Variants in NXN observed in about 807,000 individuals in gnomAD.
NXN encodes nucleoredoxin.
A neutral mutation model predicts 48.6 loss-of-function variants in NXN; 16 were observed. The observed-to-expected ratio is 0.33, with a 90% confidence interval of 0.22 to 0.50. The LOEUF is 0.50. NXN is among the 20% of genes least tolerant of loss of function. The pLI is 0.98. For synonymous variants in NXN, 281 were observed against 269.6 expected, an observed-to-expected ratio of 1.04 and a Z score of -0.41; for missense variants, 492 against 605.5, an observed-to-expected ratio of 0.81 and a Z score of 1.97.
At chr17:951,307 A>G (rs913016359) in intron 1 of NXN, among the ~76,000 whole-genome samples, 9 of 149,570 alleles carry the variant, frequency 6.0e-5, no homozygotes, top group African/African-American at 2.2e-4. Flanking sequence ...TTGAGATCAC[A>G]CCACTGCACT....
In NXN at chr17:956,438, A is replaced by G. The variant is rs953121251; in HGVS notation, c.360+22881T>C. Among the ~76,000 whole-genome samples the G allele has an allele frequency of 6.6e-6, 1 of 151,946 alleles. No homozygotes were observed. The highest frequency in any genetic ancestry group is 2.4e-5 in the African/African-American group (1 of 41,350). On this transcript the variant is annotated intron_variant, in intron 1 of 7. Transcript: ENST00000336868. This position sits in a 1 kb window ranked among gnomAD's most constrained non-coding sequence, Gnocchi z 4.1. Reference sequence around the variant, plus strand: ...TTTTTATTTATTTATTTTGAGACAGAGATTCTCTCTTGTCACCCAGGCTGG... The same window carrying G: ...TTTTTATTTATTTATTTTGAGACAGGGATTCTCTCTTGTCACCCAGGCTGG...
At chr17:896,998 T>C (rs2068493870) in intron 1 of NXN, 4 of 1,146,730 alleles carry the variant, frequency 3.5e-6, no homozygotes, top group Admixed American at 4.7e-5. Flanking sequence ...CCGCGGCAGA[T>C]ACACGGACTC....
At chr17:918,666 G>A (rs1421646822) in intron 1 of NXN, among the ~76,000 whole-genome samples, 5 of 151,814 alleles carry the variant, frequency 3.3e-5, no homozygotes, top group East Asian at 1.9e-4. Context: ...GGTGGTGGGC[G>A]GCTGTAATCC....
chr17:862,832 G>C (rs1025213710), intron 1 of NXN, among the ~76,000 whole-genome samples: 1 of 152,116 alleles, frequency 6.6e-6, no homozygotes, highest in Non-Finnish European at 1.5e-5. Context: ...TAATCACGAG[G>C]GAACCATTTG....
Position 876,990 on chromosome 17 carries a change from G to A in NXN, c.361-50912C>T, listed in dbSNP as rs541399879. 4.5e-3 allele frequency among the ~76,000 whole-genome samples: 682 copies of A among 151,904 alleles called. 2 individuals carry two copies. The highest frequency in any genetic ancestry group is 6.9e-3 in the Non-Finnish European group (470 of 67,928). On this transcript the variant is annotated intron_variant, in intron 1 of 7. Transcript: ENST00000336868. ...GTGAACTCGGGAGGCTGAGGCAGGA[G>A]AATCACTTAAACCCAGTAGGCAGAG...
At chr17:863,965 T>G in intron 1 of NXN, 1 of 1,533,900 alleles carries the variant, frequency 6.5e-7, no homozygotes, top group Non-Finnish European at 8.7e-7. Flanking sequence ...GGGAACTGAG[T>G]GAGGAAACAC....
rs747076520 is a variant in NXN, at chr17:823,677, G to C, written c.567C>G (p.Ser189Arg). ...CGCCCACGTGAGACCCCTCCAGGCT[G>C]CTGCTCTCCAGAGACTGCCCATTGT... is the stretch of plus-strand genomic sequence containing the variant. ...LRNNGQSLES[S>R]SLEGSHVGVY... is the part of the protein sequence containing the mutation. The change falls in exon 3 of 8, where the codon AGC (serine) becomes AGG (arginine). Residue 189 changes from serine (S) to arginine (R), a missense_variant. Transcript: ENST00000336868. The C allele has an allele frequency of 2.2e-5, 35 of 1,614,038 alleles. No individual in the cohort carries two copies. The highest frequency in any genetic ancestry group is 2.9e-5 in the Non-Finnish European group (34 of 1,180,026).
chr17:924,640 T>C lies in NXN; in HGVS notation c.360+54679A>G, dbSNP rs2068781091. Among the ~76,000 whole-genome samples the C allele has an allele frequency of 2.0e-5, 3 of 152,252 alleles. No homozygotes were observed. In the South Asian group the frequency reaches 6.2e-4, roughly 31 times the overall value. On this transcript the variant is annotated intron_variant, in intron 1 of 7. Coordinates refer to ENST00000336868, the MANE Select transcript of NXN (RefSeq NM_022463.5). ...GCAGCATTAGGTGCATCTCCTGTTCTGCTACCATCACCACCATCTGTCTCC... is the reference window on the plus strand; with the variant it reads ...GCAGCATTAGGTGCATCTCCTGTTCCGCTACCATCACCACCATCTGTCTCC...
intron 1 of NXN, among the ~76,000 whole-genome samples, chr17:850,405 C>G (rs905549764): frequency 1.3e-5 from 2 of 152,200 alleles, no homozygotes; most frequent in African/African-American, 2.4e-5. Context: ...TAAGTGGGAG[C>G]CTAAGATACA....
chr17:826,974 C>T (rs945567259), intron 1 of NXN, among the ~76,000 whole-genome samples: 4 of 152,342 alleles, frequency 2.6e-5, no homozygotes, highest in South Asian at 2.1e-4. Flanking sequence ...CTCCTGTGTT[C>T]GTTCACTGCC....
chr17:936,186 C>T (rs763157338), intron 1 of NXN, among the ~76,000 whole-genome samples: 4 of 151,980 alleles, frequency 2.6e-5, no homozygotes, highest in Non-Finnish European at 5.9e-5. Context: ...CACCAGCACG[C>T]CACTCGATTC....
chr17:839,203 G>A (rs1913998795), intron 1 of NXN, among the ~76,000 whole-genome samples: 1 of 152,186 alleles, frequency 6.6e-6, no homozygotes, highest in Admixed American at 6.5e-5. Flanking sequence ...GGGAGGCCGA[G>A]GCGGGCGGAT....
Position 932,315 on chromosome 17 carries a change from C to T in NXN, c.360+47004G>A, listed in dbSNP as rs527976466. On this transcript the variant is annotated intron_variant, in intron 1 of 7. Transcript: ENST00000336868. This position sits in a 1 kb window ranked among gnomAD's most constrained non-coding sequence, Gnocchi z 4.1. ...TCTTAAACTCTGGTCCCTGGACGTA[C>T]GGCTTCCGGGTTGCCTGGGAACTGT... Among the ~76,000 whole-genome samples the T allele has an allele frequency of 6.6e-5, 10 of 152,160 alleles. No homozygotes were observed. Among genetic ancestry groups the T allele is most frequent in the African/African-American group, 1.2e-4 (5 of 41,438 alleles).
At chr17:807,789 C>CT (rs1426271121) in intron 5 of NXN, among the ~76,000 whole-genome samples, 1 of 152,286 alleles carries the variant, frequency 6.6e-6, no homozygotes, top group Non-Finnish European at 1.5e-5. Flanking sequence ...TCAGCTGGTC[C>CT]TGACGAGCTT....
At position 979,473 on chromosome 17, in the gene NXN, C is replaced by G. The variant is rs1053115345; in HGVS notation, c.206G>C (p.Gly69Ala). The G allele has an allele frequency of 5.9e-6, 7 of 1,192,298 alleles. No individual in the cohort carries two copies. The highest frequency in any genetic ancestry group is 7.3e-6 in the Non-Finnish European group (7 of 961,598). The allele number at this position is 1,192,298 out of a possible 1,614,324, so 73.9% of individuals were successfully genotyped here. Reference protein sequence around the residue: ...RLRGDAAAGPGPGAGAGAAAE... With the variant: ...RLRGDAAAGPAPGAGAGAAAE... ...CGCCGCCCCGGCCCCCGCTCCCGGC[C>G]CCGGCCCGGCCGCCGCGTCCCCCCG... Residue 69 changes from glycine to alanine, a missense_variant, in exon 1 of 8, where the codon GGG becomes GCG. Around this residue, in one of 3 missense-constraint regions of NXN, gnomAD observed 186 missense variants for 199.1 expected, o/e 0.93. Transcript: ENST00000336868.
At chr17:880,406 C>T (rs966489617) in intron 1 of NXN, among the ~76,000 whole-genome samples, 3 of 152,130 alleles carry the variant, frequency 2.0e-5, no homozygotes, top group Non-Finnish European at 4.4e-5. Flanking sequence ...TTAATAAGAA[C>T]TTCTTTGTGG....
intron 1 of NXN, among the ~76,000 whole-genome samples, chr17:833,601 G>GGTCTTTC (rs1913617963): frequency 6.6e-6 from 1 of 151,558 alleles, no homozygotes; most frequent in African/African-American, 2.4e-5. Context: ...AAAAGCTATG[G>GGTCTTTC]ATCTTTCAGC....
intron 1 of NXN, among the ~76,000 whole-genome samples, chr17:908,374 A>T (rs2068600906): frequency 6.6e-6 from 1 of 151,800 alleles, no homozygotes; most frequent in Admixed American, 6.6e-5. Flanking sequence ...CATCTCTACT[A>T]AAAATACAGA....
intron 1 of NXN, among the ~76,000 whole-genome samples, chr17:918,228 G>A (rs372327341): frequency 3.3e-5 from 5 of 152,308 alleles, no homozygotes; most frequent in African/African-American, 9.6e-5. Flanking sequence ...GGGCCTGGCC[G>A]TTGTGCCAGA....
Sources: gnomAD v4.1 joint callset for allele counts (sites outside exome capture counted in the v4.1 genomes callset) on GRCh38, gnomAD v4.1.1 for gene constraint, gnomAD v4.1.1 regional missense constraint, Gnocchi (gnomAD v3.1) non-coding constraint, MANE v1.5 for transcripts, NCBI Gene and HGNC (gene_info 2026-07-23, HGNC 2026-07-21) for gene names.